The following CNTN5 variants were observed in gnomAD, a reference collection of about 807,000 sequenced individuals.
CNTN5 encodes the protein contactin-5.
CNTN5 carries 77 observed loss-of-function variants against 129.1 expected under a neutral mutation model. The observed-to-expected ratio is 0.60, with a 90% confidence interval of 0.50 to 0.72. The LOEUF is 0.72. Among genes scored for constraint, CNTN5 ranks in the 30% least tolerant of loss-of-function variants. CNTN5 has a pLI of 0.00. For synonymous variants in CNTN5, 509 were observed against 465.6 expected (o/e 1.09, Z -1.20); for missense variants, 1,478 against 1,328.8 (o/e 1.11, Z -1.75).
chr11:99,046,006 T>C (rs529442790), intron 1 of CNTN5, among the ~76,000 whole-genome samples: 8 of 152,180 alleles, frequency 5.3e-5, no homozygotes, highest in African/African-American at 1.9e-4. Flanking sequence ...TGTACCCAGG[T>C]AAATAACTCT....
At chr11:99,784,795 G>GTTTT (rs55715264) in intron 3 of CNTN5, among the ~76,000 whole-genome samples, 37 of 93,908 alleles carry the variant, frequency 3.9e-4, no homozygotes, top group Middle Eastern at 8.8e-3. Context: ...ATCTCATTGT[G>GTTTT]TTTTTTTTTT....
In CNTN5 at chr11:99,807,049, G is replaced by A. The variant is rs1378312847; in HGVS notation, c.56-12495G>A. On this transcript the variant is annotated intron_variant, in intron 3 of 24. Transcript: ENST00000524871. ...CTCAATAGGATAAAAGAAAATATTT[G>A]ATATATAATTTAATGATGAAATATG... Among the ~76,000 whole-genome samples, 3 of 151,918 alleles carry A rather than the reference G, an allele frequency of 2.0e-5. No individual in the cohort carries two copies. In the East Asian group the frequency reaches 5.8e-4, roughly 29 times the overall value.
At chr11:99,435,036 C>T (rs1403059579) in intron 2 of CNTN5, among the ~76,000 whole-genome samples, 1 of 152,096 alleles carries the variant, frequency 6.6e-6, no homozygotes, top group Admixed American at 6.6e-5. Flanking sequence ...GATGATGTGA[C>T]TTAAGTCTAG....
chr11:100,063,767 G>T (rs564905358), intron 10 of CNTN5, among the ~76,000 whole-genome samples: 45 of 151,140 alleles, frequency 3.0e-4, no homozygotes, highest in Non-Finnish European at 6.2e-4. Flanking sequence ...CACTCCTGTG[G>T]TCCCAAATAC....
Position 99,845,023 on chromosome 11 carries a change from A to G in CNTN5, c.401+48A>G, listed in dbSNP as rs756645093. 2.5e-6 allele frequency: 4 copies of G among 1,609,460 alleles called. 1 individual carries two copies. The South Asian group carries it at 3.3e-5, about 13-fold the overall frequency. ...TTTTCTTAAGCCTTAAAAACTTTCC[A>G]TCAATGATATTCTGACACTCTCAGG... On this transcript the variant is annotated intron_variant, in intron 5 of 24. Coordinates refer to ENST00000524871, the MANE Select transcript of CNTN5 (RefSeq NM_014361.4).
chr11:100,257,868 CA>C (rs2138734641), intron 17 of CNTN5, among the ~76,000 whole-genome samples: 1 of 152,104 alleles, frequency 6.6e-6, no homozygotes, highest in African/African-American at 2.4e-5. Flanking sequence ...TTCCAAAAAC[CA>C]GAACACCTCT....
At chr11:100,060,858 C>T (rs1943441742) in intron 9 of CNTN5, among the ~76,000 whole-genome samples, 1 of 151,992 alleles carries the variant, frequency 6.6e-6, no homozygotes, top group African/African-American at 2.4e-5. Context: ...CCAGGCTGGT[C>T]TCGAACTCCT....
intron 2 of CNTN5, among the ~76,000 whole-genome samples, chr11:99,514,996 T>A (rs2135421758): frequency 6.6e-6 from 1 of 152,176 alleles, no homozygotes; most frequent in East Asian, 1.9e-4. Context: ...CGATGTGCAA[T>A]TGTTATAGTA....
At chr11:100,341,694 C>T (rs1952166907) in intron 23 of CNTN5, among the ~76,000 whole-genome samples, 1 of 152,174 alleles carries the variant, frequency 6.6e-6, no homozygotes, top group Non-Finnish European at 1.5e-5. Context: ...AGCCAACATT[C>T]ACATACAGTC....
chr11:99,952,200 A>T (rs1950692804), intron 7 of CNTN5, among the ~76,000 whole-genome samples: 2 of 152,222 alleles, frequency 1.3e-5, no homozygotes, highest in South Asian at 4.1e-4. Flanking sequence ...TAATGTCACT[A>T]ATTCAGAGAT....
intron 2 of CNTN5, among the ~76,000 whole-genome samples, chr11:99,486,842 A>AT (rs1166472421): frequency 6.6e-6 from 1 of 152,156 alleles, no homozygotes. Flanking sequence ...ACATAGATCT[A>AT]TTTTCTTACT....
At chr11:99,115,077 C>A (rs1857979999) in intron 1 of CNTN5, among the ~76,000 whole-genome samples, 1 of 152,146 alleles carries the variant, frequency 6.6e-6, no homozygotes, top group East Asian at 1.9e-4. Context: ...TCACCACATA[C>A]AGAATCTGCT....
intron 2 of CNTN5, among the ~76,000 whole-genome samples, chr11:99,551,607 TA>T (rs1948484834): frequency 1.3e-5 from 2 of 152,092 alleles, no homozygotes; most frequent in Admixed American, 1.3e-4. Flanking sequence ...TCTTAGGTGA[TA>T]TAATCATTGT....
intron 1 of CNTN5, among the ~76,000 whole-genome samples, chr11:99,226,401 G>A (rs983320244): frequency 5.3e-5 from 8 of 152,070 alleles, no homozygotes; most frequent in Non-Finnish European, 1.2e-4. Context: ...GTACAAACAG[G>A]TGACTTTGAA....
intron 1 of CNTN5, among the ~76,000 whole-genome samples, chr11:99,246,238 G>GT (rs1419085395): frequency 1.3e-5 from 2 of 152,148 alleles, no homozygotes; most frequent in Non-Finnish European, 2.9e-5. Context: ...AGGTAACGCT[G>GT]TAAGAACTAG....
chr11:99,910,010 A>G (rs1301105428), intron 6 of CNTN5, among the ~76,000 whole-genome samples: 2 of 152,148 alleles, frequency 1.3e-5, no homozygotes, highest in Non-Finnish European at 2.9e-5. Flanking sequence ...GTAATAGGAA[A>G]GTATTTAATC....
intron 2 of CNTN5, among the ~76,000 whole-genome samples, chr11:99,520,354 T>A (rs950252716): frequency 6.6e-6 from 1 of 152,088 alleles, no homozygotes; most frequent in Non-Finnish European, 1.5e-5. Flanking sequence ...TTTTATTCTC[T>A]TTGTACTCCC....
At chr11:99,671,779 A>G (rs565169812) in intron 3 of CNTN5, among the ~76,000 whole-genome samples, 58 of 152,306 alleles carry the variant, frequency 3.8e-4, no homozygotes, top group South Asian at 1.0e-3. Context: ...AGAAATTCAG[A>G]TGCTTATTGG....
chr11:99,962,557 T>C (rs1377215465), intron 8 of CNTN5, among the ~76,000 whole-genome samples: 6 of 151,690 alleles, frequency 4.0e-5, no homozygotes, highest in Non-Finnish European at 8.8e-5. Flanking sequence ...CAGTCTATCA[T>C]TGTTGGACAT....
Sources: allele counts gnomAD v4.1 joint callset (sites outside exome capture counted in the v4.1 genomes callset), GRCh38; gene constraint gnomAD v4.1.1; transcripts MANE v1.5; gene names NCBI Gene and HGNC (gene_info 2026-07-23, HGNC 2026-07-21).